The following SCMH1 variants were observed in gnomAD, a reference collection of about 807,000 sequenced individuals.
SCMH1 encodes polycomb protein SCMH1.
In SCMH1, 37 loss-of-function variants were observed where a neutral mutation model predicts 70.8. The ratio of observed to expected loss-of-function variants is 0.52; its 90% CI spans 0.40 to 0.69. SCMH1 has a LOEUF of 0.69. SCMH1 is among the 30% of genes least tolerant of loss of function. SCMH1 has a pLI of 0.00. For missense variants in SCMH1, 607 were observed against 827.3 expected (o/e 0.73, Z 3.27); for synonymous variants, 292 against 307.4 (o/e 0.95, Z 0.52).
intron 4 of SCMH1, among the ~76,000 whole-genome samples, chr1:41,157,476 G>T (rs1372991689): frequency 6.6e-6 from 1 of 152,178 alleles, no homozygotes; most frequent in Non-Finnish European, 1.5e-5. Flanking sequence ...AAAGCATCTA[G>T]AGAAAGTGTT....
chr1:41,238,304 A>G (rs1206051331), intron 1 of SCMH1, among the ~76,000 whole-genome samples: 1 of 152,238 alleles, frequency 6.6e-6, no homozygotes, highest in East Asian at 1.9e-4. Context: ...AAAGGATTCA[A>G]TATGAGGTAT....
intron 10 of SCMH1, among the ~76,000 whole-genome samples, chr1:41,058,306 T>C (rs1043249762): frequency 4.6e-5 from 7 of 150,794 alleles, no homozygotes; most frequent in Non-Finnish European, 8.9e-5. Context: ...GGGGAAAATA[T>C]GAGCCACAGA....
At chr1:41,093,709 A>G (rs988452852) in intron 8 of SCMH1, among the ~76,000 whole-genome samples, 1 of 152,182 alleles carries the variant, frequency 6.6e-6, no homozygotes, top group African/African-American at 2.4e-5. Flanking sequence ...CAGATTTCCC[A>G]AATATCAGCA....
At chr1:41,143,928 T>C (rs961032928) in intron 5 of SCMH1, among the ~76,000 whole-genome samples, 1 of 152,342 alleles carries the variant, frequency 6.6e-6, no homozygotes, top group African/African-American at 2.4e-5. Flanking sequence ...TTTCCTTTTA[T>C]TGTTGAGTGG....
chr1:41,158,676 G>T (rs758556001), intron 4 of SCMH1, among the ~76,000 whole-genome samples: 7 of 152,162 alleles, frequency 4.6e-5, no homozygotes, highest in Admixed American at 4.6e-4. Context: ...ACTGAGAAGA[G>T]GAAGTCTTCA....
chr1:41,238,664 C>T (rs1662873773), intron 1 of SCMH1, among the ~76,000 whole-genome samples: 5 of 152,214 alleles, frequency 3.3e-5, no homozygotes, highest in Admixed American at 3.3e-4. Flanking sequence ...CCTCCAAATT[C>T]CTTGTCATAC....
At chr1:41,106,301 T>C (rs1038262621) in intron 8 of SCMH1, among the ~76,000 whole-genome samples, 3 of 151,604 alleles carry the variant, frequency 2.0e-5, no homozygotes, top group Non-Finnish European at 4.4e-5. Flanking sequence ...CCTCAGGGTG[T>C]GGTTCTGTCC....
At chr1:41,065,168 G>T (rs1187116560) in intron 10 of SCMH1, among the ~76,000 whole-genome samples, 1 of 152,160 alleles carries the variant, frequency 6.6e-6, no homozygotes, top group Non-Finnish European at 1.5e-5. Context: ...CAAAATCCCA[G>T]AATTTATTTT....
At chr1:41,078,559 C>T (rs150845952) in intron 8 of SCMH1, among the ~76,000 whole-genome samples, 10 of 152,212 alleles carry the variant, frequency 6.6e-5, no homozygotes, top group Non-Finnish European at 2.9e-5. Flanking sequence ...AGAAAAACAG[C>T]ATTACCGGAG....
chr1:41,171,621 C>T (rs77341961), intron 2 of SCMH1, among the ~76,000 whole-genome samples: 11,873 of 151,986 alleles, frequency 0.078, 599 homozygotes, highest in South Asian at 0.13. Flanking sequence ...TTCATAAGCA[C>T]ATGAAGCATT....
intron 8 of SCMH1, among the ~76,000 whole-genome samples, chr1:41,096,206 T>C (rs531885098): frequency 6.6e-6 from 1 of 152,262 alleles, no homozygotes; most frequent in East Asian, 1.9e-4. Flanking sequence ...CCCAACACAG[T>C]CTTAGAATAC....
intron 2 of SCMH1, among the ~76,000 whole-genome samples, chr1:41,176,095 A>T (rs1316721505): frequency 6.6e-6 from 1 of 151,606 alleles, no homozygotes; most frequent in Non-Finnish European, 1.5e-5. Context: ...ATCAACAGTA[A>T]AACAATATTC....
intron 4 of SCMH1, among the ~76,000 whole-genome samples, chr1:41,159,015 A>G (rs1317553163): frequency 3.9e-5 from 6 of 152,206 alleles, no homozygotes; most frequent in Non-Finnish European, 8.8e-5. Context: ...AAGTCCTCAA[A>G]AACTTGAGGA....
chr1:41,106,620 C>A (rs1045691007), intron 8 of SCMH1, among the ~76,000 whole-genome samples: 1 of 151,876 alleles, frequency 6.6e-6, no homozygotes, highest in Non-Finnish European at 1.5e-5. Flanking sequence ...AAGCATTCTG[C>A]GCCTTCCTCT....
intron 13 of SCMH1, among the ~76,000 whole-genome samples, chr1:41,031,780 A>G (rs984679308): frequency 6.6e-6 from 1 of 152,190 alleles, no homozygotes; most frequent in East Asian, 1.9e-4. Flanking sequence ...ACCTTAGATA[A>G]TTCCTCTAAT....
chr1:41,164,656 T>C (rs1296294591), intron 2 of SCMH1, among the ~76,000 whole-genome samples: 1 of 152,184 alleles, frequency 6.6e-6, no homozygotes, highest in African/African-American at 2.4e-5. Flanking sequence ...TCTGTTTTTA[T>C]CAAAAGCCAA....
intron 2 of SCMH1, among the ~76,000 whole-genome samples, chr1:41,173,039 TGGA>T (rs1200738728): frequency 6.6e-6 from 1 of 152,194 alleles, no homozygotes; most frequent in Non-Finnish European, 1.5e-5. Context: ...AAAGATTTTA[TGGA>T]GAAGACTTCA....
In SCMH1 at chr1:41,167,363, C is replaced by T. The variant is rs74369549; in HGVS notation, c.14-5931G>A. Among the ~76,000 whole-genome samples the T allele has an allele frequency of 5.9e-3, 903 of 152,214 alleles. 9 individuals carry two copies. The highest frequency in any genetic ancestry group is 0.02 in the African/African-American group (832 of 41,554). ...TTGTATCTTTGTCTGGCTTTGGTAT[C>T]AAGGTACTGCTGGCCTCATAAAATA... On this transcript the variant is annotated intron_variant, in intron 2 of 14. Transcript: ENST00000337495.
intron 1 of SCMH1, among the ~76,000 whole-genome samples, chr1:41,193,845 T>C (rs1385654073): frequency 6.6e-6 from 1 of 152,310 alleles, no homozygotes; most frequent in East Asian, 1.9e-4. Context: ...CAAGATTATA[T>C]GTTAGCTATT....
Sources: gnomAD v4.1 joint callset for allele counts (sites outside exome capture counted in the v4.1 genomes callset) on GRCh38, gnomAD v4.1.1 for gene constraint, MANE v1.5 for transcripts, NCBI Gene and HGNC (gene_info 2026-07-23, HGNC 2026-07-21) for gene names.